The following VPS72 variants were observed in gnomAD, a reference collection of about 807,000 sequenced individuals.
VPS72 encodes vacuolar protein sorting-associated protein 72 homolog.
Under a neutral mutation model 38.9 loss-of-function variants are expected in VPS72, and 27 were observed. The ratio of observed to expected loss-of-function variants is 0.69; its 90% CI spans 0.51 to 0.96. VPS72 has a LOEUF of 0.96. Ranked by LOEUF, VPS72 falls within the 40% of genes least tolerant of loss-of-function variation. The pLI is 0.00. For synonymous variants in VPS72, 173 were observed against 186.3 expected, an observed-to-expected ratio of 0.93 and a Z score of 0.58; for missense variants, 360 against 479.5, an observed-to-expected ratio of 0.75 and a Z score of 2.33.
chr1:151,184,352 G>C lies in VPS72; in HGVS notation c.527C>G (p.Ala176Gly). ...TAAATTAAGCTCTTCTGTGATCTTG[G>C]CCTCCCGGAGCAGTTCCTCCTGGGT... Reference protein sequence around the residue: ...PLTQEELLREAKITEELNLRS... With the variant: ...PLTQEELLREGKITEELNLRS... Residue 176 changes from alanine to glycine, a missense_variant, in exon 4 of 6, where the codon GCC becomes GGC. Physicochemically the swap from Ala to Gly is moderately conservative, Grantham distance 60. This residue lies in a region of VPS72 where 294 missense variants were observed against 356.3 expected (regional missense o/e 0.83). Transcript: ENST00000368892. 6.2e-7 allele frequency: 1 copy of C among 1,613,978 alleles called. No individual in the cohort carries two copies. Among genetic ancestry groups the C allele is most frequent in the Non-Finnish European group, 8.5e-7 (1 of 1,180,002 alleles).
In VPS72 at chr1:151,176,951, C is replaced by G. The variant is rs774634675; in HGVS notation, c.788G>C (p.Arg263Pro). 2 of 1,611,790 alleles carry G rather than the reference C, an allele frequency of 1.2e-6. No individual in the cohort carries two copies. The highest frequency in any genetic ancestry group is 1.7e-5 in the Admixed American group (1 of 59,938). The change falls in exon 6 of 6, where the codon CGT becomes CCT. Residue 263 changes from arginine to proline, a missense_variant. Arg to Pro is a moderately radical substitution (Grantham distance 103). Coordinates refer to ENST00000368892, the MANE Select transcript of VPS72 (RefSeq NM_005997.3). ...ATCATCACTAAAAGTGATGAAGGTA[C>G]GTGAGCAGCGAGCAGGGGGGTTGAC... is the stretch of plus-strand genomic sequence containing the variant. Reference protein sequence around the residue: ...GPVNPPARCSRTFITFSDDAT... With the variant: ...GPVNPPARCSPTFITFSDDAT...
chr1:151,178,235 C>T (rs1558212519), intron 4 of VPS72, 90 bp from the exon 5 acceptor site: 1 of 1,454,596 alleles, frequency 6.9e-7, no homozygotes. Context: ...CAATTATCTT[C>T]CTGGCTATCT....
chr1:151,186,009 A>G, intron 1 of VPS72, 59 bp from the exon 2 acceptor site: 1 of 1,589,130 alleles, frequency 6.3e-7, no homozygotes, highest in Non-Finnish European at 8.6e-7. Flanking sequence ...CCCCTTCAGG[A>G]GGAACAGAAT....
At chr1:151,180,343 A>G (rs2101723671) in intron 4 of VPS72, among the ~76,000 whole-genome samples, 1 of 151,878 alleles carries the variant, frequency 6.6e-6, no homozygotes, top group African/African-American at 2.4e-5. Flanking sequence ...AGTACTCTGG[A>G]AACCCTTCCA....
chr1:151,179,682 C>T (rs1252173490), intron 4 of VPS72, among the ~76,000 whole-genome samples: 3 of 151,898 alleles, frequency 2.0e-5, no homozygotes, highest in Admixed American at 6.6e-5. Context: ...CACCTGAGGT[C>T]GGGAGTTTGA....
intron 4 of VPS72, among the ~76,000 whole-genome samples, chr1:151,178,698 C>T (rs951256291): frequency 6.6e-6 from 1 of 152,072 alleles, no homozygotes; most frequent in African/African-American, 2.4e-5. Context: ...TCTTAAACAA[C>T]AAGAAAATCT....
Position 151,185,824 on chromosome 1 carries a change from G to A in VPS72, c.244C>T (p.Arg82Cys), listed in dbSNP as rs776748360. 5 of 1,614,106 alleles carry A rather than the reference G, an allele frequency of 3.1e-6. No homozygotes were observed. Among genetic ancestry groups the A allele is most frequent in the Non-Finnish European group, 4.2e-6 (5 of 1,180,022 alleles). Residue 82 changes from arginine (R) to cysteine (C), a missense_variant, in exon 2 of 6, where the codon CGC becomes TGC. Transcript: ENST00000368892. Reference sequence around the variant, plus strand: ...TTATAGGCCTTGGTGACTACTCGGCGCTTCCTTCTTGGCTCTTCTGCTTCT... The same window carrying A: ...TTATAGGCCTTGGTGACTACTCGGCACTTCCTTCTTGGCTCTTCTGCTTCT... Reference protein sequence around the residue: ...DGEAEEPRRKRRVVTKAYKEP... With the variant: ...DGEAEEPRRKCRVVTKAYKEP...
In VPS72 at chr1:151,177,011, A is replaced by G. The variant is rs78427992; in HGVS notation, c.728T>C (p.Val243Ala). 9,678 of 1,575,204 alleles carry G rather than the reference A, an allele frequency of 6.1e-3. 54 individuals are homozygous for G. The highest frequency in any genetic ancestry group is 0.017 in the African/African-American group (1,291 of 74,186). Residue 243 changes from valine to alanine, a missense_variant, in exon 6 of 6, where the codon GTG (valine) becomes GCG (alanine). By Grantham distance (64) the Val-to-Ala change is moderately conservative. Coordinates refer to ENST00000368892, the MANE Select transcript of VPS72 (RefSeq NM_005997.3). ...DIEGLDPAPS[V>A]SALTPHAGTG... ...CCCAGCATGAGGAGTCAATGCAGAC[A>G]CCGAGGGAGCAGGATCAAGTCTGAG...
chr1:151,177,387 CAA>C lies in VPS72; in HGVS notation c.708-358_708-357del, dbSNP rs11350080. 2.1e-3 allele frequency among the ~76,000 whole-genome samples: 214 copies of C among 102,860 alleles called. 1 individual carries two copies. Among genetic ancestry groups the C allele is most frequent in the African/African-American group, 4.6e-3 (124 of 26,690 alleles). 67.5% of individuals were successfully genotyped at this position (102,860 alleles called of 152,430 possible). ...GTGACAGAGCAGCGAGACTCCATCTCAAAAAAAAAAAAAAAAGAAAAGAAAGA... is the reference window on the plus strand; with the variant it reads ...GTGACAGAGCAGCGAGACTCCATCTCAAAAAAAAAAAAAAGAAAAGAAAGA... On this transcript the variant is annotated intron_variant, in intron 5 of 5. Transcript: ENST00000368892.
At chr1:151,182,104 C>T (rs1044729524) in intron 4 of VPS72, among the ~76,000 whole-genome samples, 1 of 152,072 alleles carries the variant, frequency 6.6e-6, no homozygotes, top group Admixed American at 6.6e-5. Context: ...CTCGGCTCAC[C>T]GCAACCCCCG....
chr1:151,186,427 C>T (rs1351589190), intron 1 of VPS72, among the ~76,000 whole-genome samples: 7 of 151,922 alleles, frequency 4.6e-5, no homozygotes, highest in Non-Finnish European at 7.4e-5. Context: ...GGCATGGTGA[C>T]GCACACCTGT....
intron 1 of VPS72, 140 bp downstream of exon 1, chr1:151,189,864 GC>G: frequency 1.0e-6 from 1 of 961,568 alleles, no homozygotes; most frequent in Non-Finnish European, 1.6e-6. Flanking sequence ...TCGCCCCCCG[GC>G]TCCGATTCAC....
chr1:151,178,083 C>T lies in VPS72; in HGVS notation c.625G>A (p.Gly209Arg), dbSNP rs375527267. Reference sequence around the variant, plus strand: ...ACTGAATGATAGGTGATTATGGGCCCGGGGCACTTCCGCTTCTTATGAACC... The same window carrying T: ...ACTGAATGATAGGTGATTATGGGCCTGGGGCACTTCCGCTTCTTATGAACC... ...KQVHKKRKCP[G>R]PIITYHSVTV... is the part of the protein sequence containing the mutation. Residue 209 changes from glycine to arginine, a missense_variant, in exon 5 of 6, where the codon GGG becomes AGG. Gly to Arg is a moderately radical substitution (Grantham distance 125, BLOSUM62 -2). Around this residue, in one of 2 missense-constraint regions of VPS72, gnomAD observed 294 missense variants for 356.3 expected, o/e 0.83. Coordinates refer to ENST00000368892, the MANE Select transcript of VPS72 (RefSeq NM_005997.3). The T allele has an allele frequency of 2.1e-5, 34 of 1,613,998 alleles. No individual in the cohort carries two copies. The highest frequency in any genetic ancestry group is 2.5e-5 in the Non-Finnish European group (29 of 1,180,018).
rs752817708 is a variant in VPS72 at position 151,184,455 on chromosome 1, G to T, written c.424C>A (p.Arg142=). ...SMRQSTAEHT[R]QTFLRVQERQ... Reference sequence around the variant, plus strand: ...TCCTGTACCCGAAGGAACGTTTGTCGTGTATGCTCAGCTGTAGACTGACGC... The same window carrying T: ...TCCTGTACCCGAAGGAACGTTTGTCTTGTATGCTCAGCTGTAGACTGACGC... Residue 142 remains arginine (R), a synonymous_variant, in exon 4 of 6, where the codon CGA becomes AGA. Coordinates refer to ENST00000368892, the MANE Select transcript of VPS72 (RefSeq NM_005997.3). 6.2e-7 allele frequency: 1 copy of T among 1,613,806 alleles called. No homozygotes were observed. Among genetic ancestry groups the T allele is most frequent in the Non-Finnish European group, 8.5e-7 (1 of 1,180,030 alleles).
Position 151,190,108 on chromosome 1 carries a change from C to G in VPS72, c.14G>C (p.Gly5Ala), listed in dbSNP as rs148420291. MSLA[G>A]GRAPRKTAGN... ...AGCGGTCTTCCGGGGTGCCCGGCCC[C>G]CAGCCAAACTCATACCGCCTACCGA... The change falls in exon 1 of 6, where the codon GGG becomes GCG. Residue 5 changes from glycine (G) to alanine (A), a missense_variant. Gly to Ala is a moderately conservative substitution (Grantham distance 60, BLOSUM62 0). Transcript: ENST00000368892. 24 of 1,613,814 alleles carry G rather than the reference C, an allele frequency of 1.5e-5. No individual in the cohort carries two copies. The highest frequency in any genetic ancestry group is 1.1e-4 in the East Asian group (5 of 44,874).
chr1:151,186,703 A>G (rs1463315941), intron 1 of VPS72, among the ~76,000 whole-genome samples: 1 of 152,216 alleles, frequency 6.6e-6, no homozygotes, highest in Admixed American at 6.5e-5. Context: ...TGTGTATAGC[A>G]TGTTTATGGA....
At chr1:151,181,760 C>T (rs1210611847) in intron 4 of VPS72, among the ~76,000 whole-genome samples, 1 of 152,180 alleles carries the variant, frequency 6.6e-6, no homozygotes, top group Non-Finnish European at 1.5e-5. Flanking sequence ...TATTTAAATG[C>T]TCCTCAGTCT....
Position 151,185,944 on chromosome 1 carries a change from C to T in VPS72, c.124G>A (p.Gly42Arg). The T allele has an allele frequency of 6.2e-7, 1 of 1,613,976 alleles. No homozygotes were observed. Among genetic ancestry groups the T allele is most frequent in the Non-Finnish European group, 8.5e-7 (1 of 1,180,004 alleles). ...TGGTCCCCTTGATACTCATCATCTC[C>T]GGATTCCTAAGGACACAGGGAGATA... Reference protein sequence around the residue: ...TTYGGFTEESGDDEYQGDQSD... With the variant: ...TTYGGFTEESRDDEYQGDQSD... The change falls in exon 2 of 6, where the codon GGA becomes AGA. Residue 42 changes from glycine (G) to arginine (R), a missense_variant. By Grantham distance (125) the Gly-to-Arg change is moderately radical. Coordinates refer to ENST00000368892, the MANE Select transcript of VPS72 (RefSeq NM_005997.3).
intron 4 of VPS72, among the ~76,000 whole-genome samples, chr1:151,178,714 C>G (rs1435052124): frequency 6.6e-6 from 1 of 152,104 alleles, no homozygotes; most frequent in Admixed American, 6.6e-5. Flanking sequence ...AATCTCGCAA[C>G]CCTGGGTCTG....
Sources: gnomAD v4.1 joint callset for allele counts (sites outside exome capture counted in the v4.1 genomes callset) on GRCh38, gnomAD v4.1.1 for gene constraint, gnomAD v4.1.1 regional missense constraint, MANE v1.5 for transcripts, NCBI Gene and HGNC (gene_info 2026-07-23, HGNC 2026-07-21) for gene names.